Variants in ZNF346 observed in about 807,000 individuals in gnomAD.
The protein encoded by ZNF346 is zinc finger protein 346, also known as double-stranded RNA-binding zinc finger protein JAZ.
Under a neutral mutation model 33.7 loss-of-function variants are expected in ZNF346, and 23 were observed. The observed-to-expected ratio is 0.68, with a 90% CI of 0.49 to 0.97. The LOEUF (loss-of-function observed/expected upper bound fraction) is 0.97, where lower values mean the gene tolerates loss of function less well. Among genes scored for constraint, ZNF346 ranks in the 50% least tolerant of loss-of-function variants. ZNF346 has a pLI of 0.00. For missense variants in ZNF346, 340 were observed against 371.1 expected (o/e 0.92, Z 0.69); for synonymous variants, 134 against 142.4 (o/e 0.94, Z 0.42).
chr5:177,063,065 GTT>G (rs556962990), intron 6 of ZNF346, among the ~76,000 whole-genome samples: 1 of 142,954 alleles, frequency 7.0e-6, no homozygotes. Context: ...ACAACATAAC[GTT>G]TTTTTTTTTT....
At position 177,050,844 on chromosome 5, in the gene ZNF346, A is replaced by G. The variant is rs1780761602; in HGVS notation, c.611A>G (p.Tyr204Cys). ...FNDPVMAQQH[Y>C]VGKKHRKQET... Reference sequence around the variant, plus strand: ...GACCCTGTCATGGCTCAACAACATTATGTGGGCAAGAAACACAGAAAACAG... The same window carrying G: ...GACCCTGTCATGGCTCAACAACATTGTGTGGGCAAGAAACACAGAAAACAG... Residue 204 changes from tyrosine to cysteine, a missense_variant, in exon 5 of 7, where the codon TAT becomes TGT. By Grantham distance (194) the Tyr-to-Cys change is radical. Coordinates refer to ENST00000358149, the MANE Select transcript of ZNF346 (RefSeq NM_012279.4). The G allele has an allele frequency of 6.2e-7, 1 of 1,614,132 alleles. No homozygotes were observed. Among genetic ancestry groups the G allele is most frequent in the Middle Eastern group, 1.6e-4 (1 of 6,062 alleles).
intron 1 of ZNF346, 81 bp downstream of exon 1, chr5:177,022,994 AC>A (rs1776053578): frequency 6.9e-7 from 1 of 1,439,510 alleles, no homozygotes; most frequent in Non-Finnish European, 9.1e-7. Context: ...CGACGGTCAC[AC>A]CCCCTGGCCC....
At chr5:177,060,983 G>T (rs1782442596) in intron 5 of ZNF346, among the ~76,000 whole-genome samples, 1 of 151,916 alleles carries the variant, frequency 6.6e-6, no homozygotes, top group Middle Eastern at 3.2e-3. Context: ...GTGGTGGCAG[G>T]CGCCTGTAGT....
intron 1 of ZNF346, among the ~76,000 whole-genome samples, chr5:177,040,066 A>AACT (rs1269472345): frequency 6.6e-6 from 1 of 151,914 alleles, no homozygotes; most frequent in African/African-American, 2.4e-5. Flanking sequence ...CTGTAATCCC[A>AACT]ACTACTCGGG....
intron 8 of ZNF346, among the ~76,000 whole-genome samples, chr5:177,076,335 C>A (rs557463259): frequency 6.6e-6 from 1 of 152,318 alleles, no homozygotes; most frequent in East Asian, 1.9e-4. Context: ...CTTTGGTTGG[C>A]CAAATTTTAG....
At chr5:177,042,656 C>T (rs1779493744) in intron 3 of ZNF346, among the ~76,000 whole-genome samples, 1 of 152,164 alleles carries the variant, frequency 6.6e-6, no homozygotes, top group African/African-American at 2.4e-5. Context: ...TATCTCTTCT[C>T]AAAATTTACT....
intron 8 of ZNF346, among the ~76,000 whole-genome samples, chr5:177,076,370 G>C (rs1783745787): frequency 1.3e-5 from 2 of 152,144 alleles, no homozygotes; most frequent in Admixed American, 1.3e-4. Context: ...CTTCTCCTAG[G>C]TCCATCTGTG....
intron 8 of ZNF346, among the ~76,000 whole-genome samples, chr5:177,079,093 AAGCTCCGTCTCTACT>A (rs2149722850): frequency 1.3e-5 from 2 of 152,078 alleles, no homozygotes; most frequent in African/African-American, 4.8e-5. Flanking sequence ...CAACATGGTG[AAGCTCCGTCTCTACT>A]AAAAATACAA....
chr5:177,038,067 C>G (rs1778763087), intron 1 of ZNF346, among the ~76,000 whole-genome samples: 1 of 151,028 alleles, frequency 6.6e-6, no homozygotes, highest in Non-Finnish European at 1.5e-5. Flanking sequence ...GTGGCTGACA[C>G]TTCCCCATGA....
downstream of ZNF346, among the ~76,000 whole-genome samples, chr5:177,071,082 G>A (rs1173401938): frequency 6.6e-6 from 1 of 152,204 alleles, no homozygotes; most frequent in East Asian, 1.9e-4. Flanking sequence ...ATGAGGGGTG[G>A]CATGAGGGAC....
chr5:177,048,122 T>C (rs1717002139), intron 4 of ZNF346, among the ~76,000 whole-genome samples: 1 of 152,106 alleles, frequency 6.6e-6, no homozygotes, highest in African/African-American at 2.4e-5. Flanking sequence ...ACAGTGAACA[T>C]CTCTGTAGAA....
At chr5:177,025,604 C>T (rs59765002) in intron 1 of ZNF346, among the ~76,000 whole-genome samples, 20,095 of 149,674 alleles carry the variant, frequency 0.13, 1,692 homozygotes, top group East Asian at 0.19. Flanking sequence ...GTAGTGATAT[C>T]TCATTGTGGT....
intron 3 of ZNF346, among the ~76,000 whole-genome samples, chr5:177,042,779 G>A (rs1376712852): frequency 6.6e-6 from 1 of 152,100 alleles, no homozygotes; most frequent in African/African-American, 2.4e-5. Flanking sequence ...TACCCAGGCT[G>A]GAGTGCAGTG....
chr5:177,071,546 C>T (rs1181434772), downstream of ZNF346, among the ~76,000 whole-genome samples: 1 of 151,354 alleles, frequency 6.6e-6, no homozygotes, highest in African/African-American at 2.4e-5. Context: ...ATTAGCTGGT[C>T]GTAGTGGCGG....
rs1162643853 is a variant in ZNF346 at position 177,064,953 on chromosome 5, G to T, written c.*354G>T. On this transcript the variant is annotated 3_prime_UTR_variant, in exon 7 of 7. Coordinates refer to ENST00000358149, the MANE Select transcript of ZNF346 (RefSeq NM_012279.4). Reference sequence around the variant, plus strand: ...AAAGGTCAGTTTTGGGCCAGTTCTTGCAACTAAAGAGCAGAGATCTCTCTG... The same window carrying T: ...AAAGGTCAGTTTTGGGCCAGTTCTTTCAACTAAAGAGCAGAGATCTCTCTG... 4.4e-6 allele frequency: 1 copy of T among 228,666 alleles called. No homozygotes were observed. The highest frequency in any genetic ancestry group is 5.4e-5 in the Admixed American group (1 of 18,672). 14.2% of individuals were successfully genotyped at this position (228,666 alleles called of 1,614,324 possible). A position where few individuals can be genotyped will look rare whatever the true frequency, so the allele number is the denominator to read the frequency against.
rs777616975 is a variant in ZNF346, at chr5:177,064,540, G to A, written c.826G>A (p.Gly276Ser). The A allele has an allele frequency of 8.1e-6, 13 of 1,614,158 alleles. No homozygotes were observed. The highest frequency in any genetic ancestry group is 1.1e-5 in the Non-Finnish European group (13 of 1,180,016). ...ACCAAAAACAGTGGCATCATCCCTG[G>A]GCCAGATTCCAATGCAAAGGCAACC... ...QSPKTVASSL[G>S]QIPMQRQPIQ... is the part of the protein sequence containing the mutation. The change falls in exon 7 of 7, where the codon GGC becomes AGC. Residue 276 changes from glycine (G) to serine (S), a missense_variant. Physicochemically the swap from Gly to Ser is moderately conservative, Grantham distance 56. Transcript: ENST00000358149.
chr5:177,046,087 G>T (rs1384466902), intron 4 of ZNF346, among the ~76,000 whole-genome samples: 1 of 152,000 alleles, frequency 6.6e-6, no homozygotes, highest in Non-Finnish European at 1.5e-5. Flanking sequence ...ATCACTTGAA[G>T]TCAGGAGTTC....
chr5:177,023,280 T>C (rs1776153996), intron 1 of ZNF346: 1 of 1,340,468 alleles, frequency 7.5e-7, no homozygotes, highest in Admixed American at 2.0e-5. Context: ...CTCCCCATCG[T>C]CCCAATCTCC....
intron 5 of ZNF346, among the ~76,000 whole-genome samples, chr5:177,055,422 T>C (rs868557068): frequency 5.9e-5 from 9 of 152,228 alleles, no homozygotes; most frequent in South Asian, 2.1e-4. Flanking sequence ...TTCATAAATG[T>C]GTGGAAACTG....
Sources: allele counts gnomAD v4.1 joint callset (sites outside exome capture counted in the v4.1 genomes callset), GRCh38; gene constraint gnomAD v4.1.1; transcripts MANE v1.5; gene names NCBI Gene and HGNC (gene_info 2026-07-23, HGNC 2026-07-21).